Variants in SPARCL1 observed in about 807,000 individuals in gnomAD.
The protein encoded by SPARCL1 is SPARC-like protein 1.
Under a neutral mutation model 67.1 loss-of-function variants are expected in SPARCL1, and 52 were observed. The observed-to-expected ratio is 0.78, with a 90% CI of 0.62 to 0.98. SPARCL1 has a LOEUF of 0.98. Ranked by LOEUF, SPARCL1 falls within the 50% of genes least tolerant of loss-of-function variation. The pLI, the probability that SPARCL1 is intolerant of heterozygous loss-of-function variation, is 0.00. For missense variants in SPARCL1, 717 were observed against 782.4 expected (o/e 0.92, Z 1.00); for synonymous variants, 226 against 267.8 (o/e 0.84, Z 1.52).
At chr4:87,476,500 A>G (rs1027449234) in intron 10 of SPARCL1, among the ~76,000 whole-genome samples, 7 of 152,186 alleles carry the variant, frequency 4.6e-5, no homozygotes, top group African/African-American at 1.7e-4. Context: ...ATACAAACCC[A>G]GGGAAATCAC....
intron 1 of SPARCL1, among the ~76,000 whole-genome samples, chr4:87,519,761 G>A (rs1225511763): frequency 6.6e-6 from 1 of 152,140 alleles, no homozygotes; most frequent in Non-Finnish European, 1.5e-5. Context: ...AGCAATTATA[G>A]ACTTGTGTCA....
At chr4:87,515,470 C>T (rs1725542965) in intron 1 of SPARCL1, among the ~76,000 whole-genome samples, 1 of 152,198 alleles carries the variant, frequency 6.6e-6, no homozygotes, top group South Asian at 2.1e-4. Context: ...AATTCAGACA[C>T]TTTAATTCAT....
At chr4:87,483,020 C>A (rs1723895319) in intron 7 of SPARCL1, among the ~76,000 whole-genome samples, 1 of 151,214 alleles carries the variant, frequency 6.6e-6, no homozygotes, top group Non-Finnish European at 1.5e-5. Flanking sequence ...TGCTACAAGT[C>A]CAATACAAGT....
At chr4:87,526,989 T>A (rs963892716) in intron 1 of SPARCL1, among the ~76,000 whole-genome samples, 1 of 152,180 alleles carries the variant, frequency 6.6e-6, no homozygotes, top group African/African-American at 2.4e-5. Context: ...AGCTATTTTG[T>A]GGTAAAGCTT....
chr4:87,493,297 A>G (rs960659094), intron 4 of SPARCL1, among the ~76,000 whole-genome samples: 1 of 152,208 alleles, frequency 6.6e-6, no homozygotes, highest in Non-Finnish European at 1.5e-5. Flanking sequence ...TGTTCCTTTT[A>G]TTAGCTTCCT....
intron 7 of SPARCL1, among the ~76,000 whole-genome samples, chr4:87,484,179 T>C (rs1019277873): frequency 6.6e-6 from 1 of 152,220 alleles, no homozygotes; most frequent in South Asian, 2.1e-4. Context: ...CTGAATGGTA[T>C]TGCCTAAGTT....
Position 87,491,951 on chromosome 4 carries a change from CCCCCAA to C in SPARCL1, c.1219-267_1219-262del, listed in dbSNP as rs1276876284. Among the ~76,000 whole-genome samples, 323 of 59,130 alleles carry C rather than the reference CCCCCAA, an allele frequency of 5.5e-3. 3 individuals are homozygous for C. The highest frequency in any genetic ancestry group is 0.02 in the African/African-American group (292 of 14,890). The allele number at this position is 59,130 out of a possible 152,430, so 38.8% of individuals were successfully genotyped here. ...GAAACTCCATCTCTACCCACCCCCC[CCCCCAA>C]AAAAAAAAAAATTAGCTGGGCATGA... On this transcript the variant is annotated intron_variant, in intron 4 of 10. Coordinates refer to ENST00000282470, the MANE Select transcript of SPARCL1 (RefSeq NM_004684.6).
At chr4:87,512,375 C>T (rs1725400969) in intron 1 of SPARCL1, among the ~76,000 whole-genome samples, 1 of 152,140 alleles carries the variant, frequency 6.6e-6, no homozygotes, top group Non-Finnish European at 1.5e-5. Flanking sequence ...CCCCAGTAAA[C>T]CACAACTTCT....
chr4:87,493,075 A>G (rs552161391), intron 4 of SPARCL1, among the ~76,000 whole-genome samples: 1 of 152,276 alleles, frequency 6.6e-6, no homozygotes, highest in East Asian at 1.9e-4. Context: ...ATAATTTATC[A>G]TTCCAGCTAG....
At chr4:87,483,594 A>G (rs1723923343) in intron 7 of SPARCL1, among the ~76,000 whole-genome samples, 1 of 152,228 alleles carries the variant, frequency 6.6e-6, no homozygotes, top group African/African-American at 2.4e-5. Context: ...CCCTTTGGGT[A>G]TATACCCAGT....
At position 87,482,544 on chromosome 4, in the gene SPARCL1, C is replaced by T. The variant is rs968470373; in HGVS notation, c.1548G>A (p.Thr516=). Residue 516 remains threonine, a synonymous_variant, in exon 8 of 11, where the codon ACG becomes ACA. Transcript: ENST00000282470. ...GAGGAAACTGAATCACTTCAAAGTC[C>T]GTACAAGTAGGAATAGCTGTTACAA... ...FGACKSIPTC[T]DFEVIQFPLR... The T allele has an allele frequency of 5.6e-6, 9 of 1,613,804 alleles. No individual in the cohort carries two copies. Among genetic ancestry groups the T allele is most frequent in the East Asian group, 2.2e-5 (1 of 44,892 alleles).
chr4:87,478,937 T>C (rs916370322), intron 10 of SPARCL1, among the ~76,000 whole-genome samples: 6 of 152,194 alleles, frequency 3.9e-5, no homozygotes, highest in African/African-American at 1.4e-4. Context: ...ATGGGTGAGT[T>C]TTGGGTTAAA....
Position 87,493,772 on chromosome 4 carries a change from TC to T in SPARCL1, c.1027del (p.Asp343MetfsTer54), listed in dbSNP as rs780899987. On this transcript the variant is annotated frameshift_variant, in exon 4 of 11. Coordinates refer to ENST00000282470, the MANE Select transcript of SPARCL1 (RefSeq NM_004684.6). LOFTEE classifies it high-confidence loss of function. The part of the protein sequence containing the change: ...RNHGVDDDGD[D>X]DGDDGGTDGP... ...ATCAGTGCCGCCATCATCGCCATCA[TC>T]ATCGCCATCATCATCAACTCCATGA... 22 of 1,614,006 alleles carry T rather than the reference TC, an allele frequency of 1.4e-5. No individual in the cohort carries two copies. Among genetic ancestry groups the T allele is most frequent in the Non-Finnish European group, 5.1e-6 (6 of 1,179,996 alleles).
chr4:87,480,010 A>G (rs1025687983), intron 9 of SPARCL1, among the ~76,000 whole-genome samples: 13 of 151,134 alleles, frequency 8.6e-5, no homozygotes, highest in Admixed American at 7.2e-4. Flanking sequence ...GTGTAGCCAT[A>G]TTCTGCTATC....
At chr4:87,515,110 T>C (rs1725527395) in intron 1 of SPARCL1, among the ~76,000 whole-genome samples, 1 of 152,256 alleles carries the variant, frequency 6.6e-6, no homozygotes, top group African/African-American at 2.4e-5. Flanking sequence ...AAATATGCAG[T>C]ATTGATGTGA....
chr4:87,511,412 G>A (rs751826917), intron 1 of SPARCL1, among the ~76,000 whole-genome samples: 2 of 152,154 alleles, frequency 1.3e-5, no homozygotes, highest in Non-Finnish European at 2.9e-5. Context: ...TTTTGGGCTT[G>A]TTGAATTTGA....
intron 7 of SPARCL1, among the ~76,000 whole-genome samples, chr4:87,483,074 A>T (rs1723897179): frequency 1.4e-5 from 2 of 144,196 alleles, no homozygotes; most frequent in Non-Finnish European, 3.0e-5. Context: ...AGAGCTCAGG[A>T]TCACTGCCGT....
chr4:87,503,683 C>CTTTTTTTTTT (rs60057481), intron 1 of SPARCL1, among the ~76,000 whole-genome samples: 1 of 138,056 alleles, frequency 7.2e-6, no homozygotes, highest in Non-Finnish European at 1.5e-5. Flanking sequence ...TTTTTTTTTC[C>CTTTTTTTTTT]TTTTTTTTTT....
At chr4:87,493,551 A>G (rs753956091) in intron 4 of SPARCL1, 31 bp downstream of exon 4, 30 of 1,559,846 alleles carry the variant, frequency 1.9e-5, no homozygotes, top group Middle Eastern at 1.9e-4. Context: ...TGCTGGCTTT[A>G]TTGGACAAGG....
Sources: gnomAD v4.1 joint callset for allele counts (sites outside exome capture counted in the v4.1 genomes callset) on GRCh38, gnomAD v4.1.1 for gene constraint, MANE v1.5 for transcripts, NCBI Gene and HGNC (gene_info 2026-07-23, HGNC 2026-07-21) for gene names.